The following TAB3 variants were observed in gnomAD, a reference collection of about 807,000 sequenced individuals.
TAB3 encodes TGF-beta-activated kinase 1 and MAP3K7-binding protein 3.
A neutral mutation model predicts 48.1 loss-of-function variants in TAB3; 18 were observed. The observed-to-expected ratio is 0.37, with a 90% confidence interval of 0.26 to 0.55. The LOEUF (loss-of-function observed/expected upper bound fraction) is 0.55, where lower values mean the gene tolerates loss of function less well. Ranked by LOEUF, TAB3 falls within the 20% of genes least tolerant of loss-of-function variation. The probability of loss-of-function intolerance (pLI) is 0.78; values close to 1 mark genes in which losing one functional copy is unlikely to be tolerated. For missense variants in TAB3, 414 were observed against 549.8 expected (o/e 0.75, Z 2.47); for synonymous variants, 185 against 190.2 (o/e 0.97, Z 0.22).
rs1391970313 is a variant in TAB3 at position 30,854,874 on chromosome X, C to T, written c.791G>A (p.Arg264His). Residue 264 changes from arginine (R) to histidine (H), a missense_variant, in exon 6 of 11, where the codon CGT becomes CAT. By Grantham distance (29) the Arg-to-His change is conservative (BLOSUM62 0). Transcript: ENST00000288422. ...TTGGTGTGGATAAACAGGTAAAGGA[C>T]GCTGGCTATAGTGAGGCACTGGGCC... ...PQGPVPHYSQ[R>H]PLPVYPHQQN... 4 of 1,210,626 alleles carry T rather than the reference C, an allele frequency of 3.3e-6. No individual in the cohort carries two copies. The highest frequency in any genetic ancestry group is 4.4e-5 in the Admixed American group (2 of 45,907).
intron 9 of TAB3, chrX:30,834,699 C>A (rs1254095649): frequency 9.0e-6 from 1 of 111,279 alleles, no homozygotes; most frequent in African/African-American, 3.3e-5. Context: ...TGGCTCACTG[C>A]AGCCTTGATC....
chrX:30,837,093 C>T (rs900374789), intron 9 of TAB3, among the ~76,000 whole-genome samples: 19 of 93,647 alleles, frequency 2.0e-4, no homozygotes, highest in African/African-American at 7.8e-4. Flanking sequence ...CTGTCACCCA[C>T]GTTGGAGTGC....
At chrX:30,868,337 C>T (rs1457442123) in intron 2 of TAB3, among the ~76,000 whole-genome samples, 2 of 7,819 alleles carry the variant, frequency 2.6e-4, no homozygotes, top group African/African-American at 1.4e-3. Flanking sequence ...TATATATAAG[C>T]TTTTATATAT....
chrX:30,848,822 G>C (rs761287344), intron 7 of TAB3, among the ~76,000 whole-genome samples: 14 of 110,802 alleles, frequency 1.3e-4, no homozygotes, highest in Non-Finnish European at 2.5e-4. Flanking sequence ...AGCTGGCATA[G>C]ACCAGCGTCA....
chrX:30,878,991 C>CA (rs1259235547), intron 1 of TAB3, among the ~76,000 whole-genome samples: 7 of 111,015 alleles, frequency 6.3e-5, no homozygotes, highest in Admixed American at 1.9e-4. Context: ...ATATGTATGT[C>CA]AGGAAGGAAA....
At chrX:30,881,051 G>A (rs1939985885) in intron 1 of TAB3, among the ~76,000 whole-genome samples, 1 of 111,606 alleles carries the variant, frequency 9.0e-6, no homozygotes, top group Non-Finnish European at 1.9e-5. Flanking sequence ...ATAGTATACA[G>A]TAATGAGAAT....
At chrX:30,867,977 G>C (rs1027534207) in intron 2 of TAB3, among the ~76,000 whole-genome samples, 1 of 104,132 alleles carries the variant, frequency 9.6e-6, no homozygotes, top group African/African-American at 3.5e-5. Flanking sequence ...GCTCACTGCA[G>C]CCTCAACCTC....
chrX:30,870,719 G>A (rs1258064047), intron 2 of TAB3, among the ~76,000 whole-genome samples: 1 of 112,384 alleles, frequency 8.9e-6, no homozygotes, highest in African/African-American at 3.2e-5. Context: ...GGGACATTTG[G>A]CAACGTCTGA....
At chrX:30,834,614 TTTTTG>T (rs1309267984) in intron 9 of TAB3, 1 of 112,395 alleles carries the variant, frequency 8.9e-6, no homozygotes, top group Non-Finnish European at 1.9e-5. Flanking sequence ...GACAGGATTT[TTTTTG>T]TTTTGTTTTT....
chrX:30,866,142 TTAAAA>T (rs1035520842), intron 4 of TAB3, among the ~76,000 whole-genome samples: 1 of 111,674 alleles, frequency 9.0e-6, no homozygotes, highest in African/African-American at 3.3e-5. Context: ...TGAAATAATA[TTAAAA>T]TAATCCACAA....
At position 30,855,297 on chromosome X, in the gene TAB3, T is replaced by C. The variant is rs1396122604; in HGVS notation, c.368A>G (p.Glu123Gly). ...AGKQLICLVQ[E>G]PHSAPAVVAA... The stretch of plus-strand genomic sequence containing the variant: ...AACAACAGCTGGAGCTGAGTGTGGT[T>C]CTTGAACTAAACATATCAGCTGTTT... Residue 123 changes from glutamate (E) to glycine (G), a missense_variant, in exon 6 of 11, where the codon GAA (glutamate) becomes GGA (glycine). By Grantham distance (98) the Glu-to-Gly change is moderately conservative. Coordinates refer to ENST00000288422, the MANE Select transcript of TAB3 (RefSeq NM_152787.5). 1 of 1,211,820 alleles carries C rather than the reference T, an allele frequency of 8.3e-7. No homozygotes were observed. The highest frequency in any genetic ancestry group is 1.8e-5 in the South Asian group (1 of 56,983).
chrX:30,833,084 C>A (rs1323824265), intron 10 of TAB3, among the ~76,000 whole-genome samples: 8 of 104,415 alleles, frequency 7.7e-5, no homozygotes, highest in Non-Finnish European at 5.7e-5. Context: ...CATTCTCCTG[C>A]CTCAGCCTCC....
intron 7 of TAB3, among the ~76,000 whole-genome samples, chrX:30,848,786 TA>T (rs1938724194): frequency 9.0e-6 from 1 of 111,441 alleles, no homozygotes; most frequent in African/African-American, 3.3e-5. Flanking sequence ...CATTTCAAAA[TA>T]AAAAATGGTA....
chrX:30,846,918 G>A (rs145535995), intron 7 of TAB3, among the ~76,000 whole-genome samples: 602 of 111,732 alleles, frequency 5.4e-3, no homozygotes, highest in Middle Eastern at 9.3e-3. Context: ...AGATACTACC[G>A]TTTTAATCAT....
intron 5 of TAB3, among the ~76,000 whole-genome samples, chrX:30,856,102 T>C: frequency 8.9e-6 from 1 of 112,126 alleles, no homozygotes; most frequent in Middle Eastern, 4.6e-3. Context: ...CAGCCCTCAT[T>C]TTTCTTTTAC....
At chrX:30,842,912 C>T (rs1227092447) in intron 9 of TAB3, 54 bp downstream of exon 9, 75 of 794,037 alleles carry the variant, frequency 9.4e-5, no homozygotes, top group Non-Finnish European at 1.1e-4. Flanking sequence ...ATGTGAAATC[C>T]CAAATTATTT....
intron 4 of TAB3, among the ~76,000 whole-genome samples, chrX:30,864,976 G>A (rs1939361476): frequency 9.0e-6 from 1 of 111,624 alleles, no homozygotes; most frequent in Admixed American, 9.6e-5. Flanking sequence ...CCTATACTCC[G>A]TAGCTGATTC....
chrX:30,843,034 T>C lies in TAB3; in HGVS notation c.1820A>G (p.Lys607Arg), dbSNP rs752599609. 23 of 1,158,497 alleles carry C rather than the reference T, an allele frequency of 2.0e-5. No individual in the cohort carries two copies. Among genetic ancestry groups the C allele is most frequent in the Admixed American group, 2.3e-5 (1 of 43,012 alleles). The change falls in exon 9 of 11, where the codon AAA (lysine) becomes AGA (arginine). Residue 607 changes from lysine to arginine, a missense_variant. Coordinates refer to ENST00000288422, the MANE Select transcript of TAB3 (RefSeq NM_152787.5). The part of the protein sequence containing the change: ...LLQSRGNFDP[K>R]AMNNFYDNIE... ...GTTGTCATAAAAATTATTCATGGCT[T>C]TTGGATCAAAGTTTCCTATAAAGAA...
At chrX:30,885,567 G>A (rs1222478746) in intron 1 of TAB3, among the ~76,000 whole-genome samples, 1 of 107,055 alleles carries the variant, frequency 9.3e-6, no homozygotes, top group Non-Finnish European at 1.9e-5. Flanking sequence ...CCAGGGATGA[G>A]GAAGGCAAGA....
Sources: allele counts gnomAD v4.1 joint callset (sites outside exome capture counted in the v4.1 genomes callset), GRCh38; gene constraint gnomAD v4.1.1; transcripts MANE v1.5; gene names NCBI Gene and HGNC (gene_info 2026-07-23, HGNC 2026-07-21).